The following DMD variants were observed in gnomAD, a reference collection of about 807,000 sequenced individuals.
DMD encodes the protein mutant dystrophin.
In DMD, 63 loss-of-function variants were observed where a neutral mutation model predicts 330.1. The observed-to-expected ratio is 0.19, with a 90% confidence interval of 0.16 to 0.24. The LOEUF is 0.24. Ranked by LOEUF, DMD falls within the 10% of genes least tolerant of loss-of-function variation. DMD has a pLI of 1.00. For missense variants in DMD, 3,344 were observed against 2,684.1 expected (o/e 1.25, Z -5.43); for synonymous variants, 1,223 against 959.8 (o/e 1.27, Z -5.07).
At chrX:31,755,919 G>C (rs1440404424) in intron 51 of DMD, among the ~76,000 whole-genome samples, 1 of 111,397 alleles carries the variant, frequency 9.0e-6, no homozygotes, top group Non-Finnish European at 1.9e-5. Context: ...CAATAACCAG[G>C]CCTTGTAATT....
chrX:31,426,877 C>T (rs1230037730), intron 60 of DMD, among the ~76,000 whole-genome samples: 1 of 111,943 alleles, frequency 8.9e-6, no homozygotes, highest in Non-Finnish European at 1.9e-5. Flanking sequence ...TCTACTCATC[C>T]AAATAGAAAT....
At position 32,750,307 on chromosome X, in the gene DMD, T is replaced by C. The variant is rs773235177; in HGVS notation, c.650-51014A>G. Among the ~76,000 whole-genome samples, 3 of 111,871 alleles carry C rather than the reference T, an allele frequency of 2.7e-5. No homozygotes were observed. In the East Asian group the frequency reaches 8.5e-4, roughly 32 times the overall value. On this transcript the variant is annotated intron_variant, in intron 7 of 78. Coordinates refer to ENST00000357033, the MANE Select transcript of DMD (RefSeq NM_004006.3). ...TTCTTCAGATTAAAATATAAATACA[T>C]TTAAAAATTCTGACAAAAGGGAGAA...
At chrX:32,776,349 T>C (rs1354888512) in intron 7 of DMD, among the ~76,000 whole-genome samples, 1 of 109,748 alleles carries the variant, frequency 9.1e-6, no homozygotes, top group Non-Finnish European at 1.9e-5. Flanking sequence ...ATAATTGCTA[T>C]ATTTATAGCA....
chrX:31,332,000 C>T (rs1189935418), intron 61 of DMD, among the ~76,000 whole-genome samples: 1 of 112,116 alleles, frequency 8.9e-6, no homozygotes, highest in African/African-American at 3.2e-5. Flanking sequence ...ATTTGGGGCC[C>T]ATTTTTCACT....
chrX:32,140,345 C>T (rs1300647051), intron 44 of DMD, among the ~76,000 whole-genome samples: 2 of 111,670 alleles, frequency 1.8e-5, no homozygotes. Flanking sequence ...TAATTTTTTA[C>T]AAGATTGCAC....
chrX:32,422,879 G>A (rs1483005414), intron 29 of DMD, among the ~76,000 whole-genome samples: 2 of 110,750 alleles, frequency 1.8e-5, no homozygotes, highest in Non-Finnish European at 1.9e-5. Flanking sequence ...CAAAGAAAAC[G>A]GTTTTAAAAA....
intron 9 of DMD, among the ~76,000 whole-genome samples, chrX:32,647,881 C>T (rs1352316449): frequency 2.7e-5 from 3 of 111,810 alleles, no homozygotes; most frequent in Admixed American, 9.5e-5. Flanking sequence ...GTCGAAAATA[C>T]GCCCCCAAAA....
chrX:31,595,437 C>G (rs1176049563), intron 55 of DMD, among the ~76,000 whole-genome samples: 2 of 111,046 alleles, frequency 1.8e-5, no homozygotes, highest in African/African-American at 6.5e-5. Context: ...TTCTCACCTC[C>G]TCTATAGAGG....
chrX:32,683,345 T>A (rs939960718), intron 9 of DMD, among the ~76,000 whole-genome samples: 3 of 110,530 alleles, frequency 2.7e-5, no homozygotes, highest in African/African-American at 9.9e-5. Context: ...CATGTACACG[T>A]ATGCTTATTG....
At chrX:32,595,662 T>C (rs2055434557) in intron 13 of DMD, 95 bp downstream of exon 13, 1 of 859,338 alleles carries the variant, frequency 1.2e-6, no homozygotes, top group Non-Finnish European at 1.7e-6. Context: ...TCTAAGTATT[T>C]TAATATATAA....
intron 51 of DMD, among the ~76,000 whole-genome samples, chrX:31,732,566 C>T (rs1344570431): frequency 9.0e-6 from 1 of 111,661 alleles, no homozygotes; most frequent in East Asian, 2.8e-4. Flanking sequence ...TTGACTTCAA[C>T]TTAGTTTTAT....
chrX:32,918,090 T>G (rs1056894620), intron 2 of DMD, among the ~76,000 whole-genome samples: 9 of 111,108 alleles, frequency 8.1e-5, no homozygotes, highest in Non-Finnish European at 1.1e-4. Context: ...AGGTTCGACC[T>G]ATTGTGCTGA....
At chrX:32,367,854 A>T (rs2097859735) in intron 34 of DMD, among the ~76,000 whole-genome samples, 1 of 112,129 alleles carries the variant, frequency 8.9e-6, no homozygotes, top group South Asian at 3.7e-4. Context: ...CAGTGATATG[A>T]TGGTGGTTTA....
chrX:32,565,947 C>A, intron 15 of DMD, 66 bp from the exon 16 acceptor site: 2 of 1,004,248 alleles, frequency 2.0e-6, no homozygotes, highest in South Asian at 2.0e-5. Flanking sequence ...ATAGTTCAAT[C>A]TGCTTTTGCG....
At chrX:33,269,241 G>A (rs751804092) in intron 1 of DMD, among the ~76,000 whole-genome samples, 100 of 111,173 alleles carry the variant, frequency 9.0e-4, no homozygotes, top group African/African-American at 3.1e-3. Context: ...TACACACCAC[G>A]GAATCCTATG....
chrX:32,733,771 G>C, intron 7 of DMD, among the ~76,000 whole-genome samples: 1 of 106,728 alleles, frequency 9.4e-6, no homozygotes, highest in Non-Finnish European at 1.9e-5. Context: ...GCAGTGTGTA[G>C]AGGGAAATTT....
chrX:31,667,547 A>G (rs2081500951), intron 53 of DMD, among the ~76,000 whole-genome samples: 1 of 110,559 alleles, frequency 9.0e-6, no homozygotes, highest in Non-Finnish European at 1.9e-5. Context: ...GCTAATGGGT[A>G]GTGAAATTTA....
At chrX:31,776,977 T>C (rs1196714080) in intron 50 of DMD, among the ~76,000 whole-genome samples, 1 of 111,857 alleles carries the variant, frequency 8.9e-6, no homozygotes, top group Non-Finnish European at 1.9e-5. Flanking sequence ...ATCTGTACAC[T>C]GCTGGGAAAG....
chrX:31,131,745 AAAAC>A (rs2034537805), intron 77 of DMD, among the ~76,000 whole-genome samples: 1 of 111,983 alleles, frequency 8.9e-6, no homozygotes, highest in Non-Finnish European at 1.9e-5. Context: ...TCAAAATTAA[AAAAC>A]AAAAGTGCTT....
Sources: allele counts gnomAD v4.1 joint callset (sites outside exome capture counted in the v4.1 genomes callset), GRCh38; gene constraint gnomAD v4.1.1; transcripts MANE v1.5; gene names NCBI Gene and HGNC (gene_info 2026-07-23, HGNC 2026-07-21).